Variants in LAMA3 observed in about 807,000 individuals in gnomAD.
The protein encoded by LAMA3 is laminin subunit alpha-3.
In LAMA3, 281 loss-of-function variants were observed where a neutral mutation model predicts 402.0. The ratio of observed to expected loss-of-function variants is 0.70; its 90% CI spans 0.63 to 0.77. LAMA3 has a LOEUF of 0.77. Among genes scored for constraint, LAMA3 ranks in the 30% least tolerant of loss-of-function variants. The pLI is 0.00. For missense variants in LAMA3, 3,840 were observed against 4,215.5 expected, an observed-to-expected ratio of 0.91 and a Z score of 2.47; for synonymous variants, 1,431 against 1,558.4, an observed-to-expected ratio of 0.92 and a Z score of 1.93.
chr18:23,865,515 C>A (rs1184053362), intron 36 of LAMA3, among the ~76,000 whole-genome samples: 1 of 152,260 alleles, frequency 6.6e-6, no homozygotes, highest in African/African-American at 2.4e-5. Context: ...GGGGCAAGAT[C>A]ATATTGTTGG....
intron 2 of LAMA3, among the ~76,000 whole-genome samples, chr18:23,717,542 C>CTTT (rs138974380): frequency 1.5e-4 from 10 of 64,910 alleles, no homozygotes; most frequent in Non-Finnish European, 2.3e-4. Context: ...TGGACTTGAT[C>CTTT]TTTTTTTTTT....
chr18:23,837,813 C>T (rs1236424081), intron 25 of LAMA3, among the ~76,000 whole-genome samples: 1 of 151,920 alleles, frequency 6.6e-6, no homozygotes, highest in African/African-American at 2.4e-5. Flanking sequence ...ATGCATCACA[C>T]CCTGGGAAAT....
intron 34 of LAMA3, among the ~76,000 whole-genome samples, chr18:23,859,057 G>C (rs568543590): frequency 6.6e-6 from 1 of 152,030 alleles, no homozygotes; most frequent in Non-Finnish European, 1.5e-5. Flanking sequence ...TTCCCCATAG[G>C]AGTCATCACT....
Position 23,866,282 on chromosome 18 carries a change from CTGGTTTAT to C in LAMA3, c.4683+1403_4683+1410del, listed in dbSNP as rs569445358. Among the ~76,000 whole-genome samples, 217 of 152,256 alleles carry C rather than the reference CTGGTTTAT, an allele frequency of 1.4e-3. 2 individuals are homozygous for C. In the South Asian group the frequency reaches 0.018, roughly 12 times the overall value. Reference sequence around the variant, plus strand: ...CCACTGCCTGAAGTCGGCTCTATTTCTGGTTTATTGGGTGTGATTAATGCGATGTAATG... The same window carrying C: ...CCACTGCCTGAAGTCGGCTCTATTTCTGGGTGTGATTAATGCGATGTAATG... On this transcript the variant is annotated intron_variant, in intron 36 of 74. Coordinates refer to ENST00000313654, the MANE Select transcript of LAMA3 (RefSeq NM_198129.4).
rs764530111 is a variant in LAMA3 at position 23,914,448 on chromosome 18, C to A, written c.7368C>A (p.Gly2456=). 2 of 1,614,098 alleles carry A rather than the reference C, an allele frequency of 1.2e-6. No individual in the cohort carries two copies. Among genetic ancestry groups the A allele is most frequent in the South Asian group, 2.2e-5 (2 of 91,068 alleles). Reference sequence around the variant, plus strand: ...ACATCGGCATGGCAGTTGTGGATGGCCAGCTCACCTGTGTCTACAACCTGG... The same window carrying A: ...ACATCGGCATGGCAGTTGTGGATGGACAGCTCACCTGTGTCTACAACCTGG... ...RDYIGMAVVD[G]QLTCVYNLGD... is the part of the protein sequence containing the mutation. Residue 2456 remains glycine (G), a synonymous_variant, in exon 57 of 75, where the codon GGC becomes GGA. Coordinates refer to ENST00000313654, the MANE Select transcript of LAMA3 (RefSeq NM_198129.4).
At chr18:23,949,043 A>G (rs56268003) in intron 70 of LAMA3, among the ~76,000 whole-genome samples, 12,677 of 152,218 alleles carry the variant, frequency 0.083, 966 homozygotes, top group Admixed American at 0.18. Flanking sequence ...GCACACGCAG[A>G]ACACACCTGG....
rs201023601 is a variant in LAMA3 at position 23,904,054 on chromosome 18, G to A, written c.6440G>A (p.Arg2147Gln). The change falls in exon 50 of 75, where the codon CGG (arginine) becomes CAG (glutamine). Residue 2147 changes from arginine to glutamine, a missense_variant. Around this residue, in one of 3 missense-constraint regions of LAMA3, gnomAD observed 891 missense variants for 857.5 expected, o/e 1.04. Transcript: ENST00000313654. ...SLVEEAEKHA[R>Q]SLQELAKQLE... is the part of the protein sequence containing the mutation. Reference sequence around the variant, plus strand: ...GTGGAGGAGGCAGAAAAGCACGCGCGGTCCTTACAAGAGCTGGCAAAGCAG... The same window carrying A: ...GTGGAGGAGGCAGAAAAGCACGCGCAGTCCTTACAAGAGCTGGCAAAGCAG... 66 of 1,613,958 alleles carry A rather than the reference G, an allele frequency of 4.1e-5. No homozygotes were observed. The South Asian group carries it at 5.6e-4, about 14-fold the overall frequency.
chr18:23,775,677 G>A, intron 9 of LAMA3, 115 bp from the exon 10 acceptor site: 1 of 1,215,362 alleles, frequency 8.2e-7, no homozygotes, highest in South Asian at 1.3e-5. Flanking sequence ...GCCCTTTCAA[G>A]AATACCTATA....
rs1053145530 is a variant in LAMA3, at chr18:23,876,236, T to C, written c.4999-58T>C. Reference sequence around the variant, plus strand: ...CTTCACAGTGAGAGGTGTCACATGCTTTGGATAGTAATTGTTTTCTTTCTT... The same window carrying C: ...CTTCACAGTGAGAGGTGTCACATGCCTTGGATAGTAATTGTTTTCTTTCTT... On this transcript the variant is annotated intron_variant, in intron 38 of 74. Transcript: ENST00000313654. 1.6e-5 allele frequency: 18 copies of C among 1,146,224 alleles called. No individual in the cohort carries two copies. In the African/African-American group the frequency reaches 2.7e-4, roughly 17 times the overall value. The allele number at this position is 1,146,224 out of a possible 1,614,324, so 71.0% of individuals were successfully genotyped here.
chr18:23,780,215 C>T (rs2062407698), intron 11 of LAMA3, among the ~76,000 whole-genome samples: 1 of 152,156 alleles, frequency 6.6e-6, no homozygotes, highest in South Asian at 2.1e-4. Flanking sequence ...ATACATGGTT[C>T]CTCCTGCCTG....
At chr18:23,730,800 A>G (rs1598666485) in intron 2 of LAMA3, among the ~76,000 whole-genome samples, 1 of 152,106 alleles carries the variant, frequency 6.6e-6, no homozygotes, top group South Asian at 2.1e-4. Flanking sequence ...GTCCGGGCAT[A>G]TTTTACCTTT....
At position 23,845,025 on chromosome 18, in the gene LAMA3, T is replaced by G; in HGVS notation, c.3620T>G (p.Val1207Gly). The G allele has an allele frequency of 6.3e-7, 1 of 1,599,622 alleles. No homozygotes were observed. ...TTCTTTCAGGTCCGTGTTCTAGTGG[T>G]GCCTGCAGAAAACTATGACTACCAA... ...KSLVLVRVLV[V>G]PAENYDYQIL... Residue 1207 changes from valine (V) to glycine (G), a missense_variant, in exon 30 of 75, where the codon GTG becomes GGG. Coordinates refer to ENST00000313654, the MANE Select transcript of LAMA3 (RefSeq NM_198129.4).
chr18:23,946,637 A>C (rs2082724021), intron 70 of LAMA3: 1 of 224,596 alleles, frequency 4.5e-6, no homozygotes, highest in African/African-American at 2.3e-5. Context: ...AAATTACAGT[A>C]ATTTGTGCCA....
In LAMA3 at chr18:23,903,965, A is replaced by G; in HGVS notation, c.6351A>G (p.Glu2117=). Residue 2117 remains glutamate (E), a synonymous_variant, in exon 50 of 75, where the codon GAA becomes GAG. Coordinates refer to ENST00000313654, the MANE Select transcript of LAMA3 (RefSeq NM_198129.4). ...AAAAATTAGCTGCCAGTTTAAATGA[A>G]GCAAGACAAGAACTAAGTGACAAAG... is the stretch of plus-strand genomic sequence containing the variant. ...EYEKLAASLN[E]ARQELSDKVR... 6.2e-7 allele frequency: 1 copy of G among 1,613,730 alleles called. No homozygotes were observed. The highest frequency in any genetic ancestry group is 8.5e-7 in the Non-Finnish European group (1 of 1,179,712).
At chr18:23,858,105 A>G in intron 33 of LAMA3, 117 bp downstream of exon 33, 3 of 1,178,018 alleles carry the variant, frequency 2.5e-6, no homozygotes, top group South Asian at 1.3e-5. Context: ...AGATGTTGAT[A>G]GTGTATGTAG....
At chr18:23,900,995 C>G in intron 47 of LAMA3, 132 bp from the exon 48 acceptor site, 2 of 804,004 alleles carry the variant, frequency 2.5e-6, no homozygotes, top group East Asian at 5.3e-5. Context: ...TGTGAGTTTC[C>G]TTTCCCATCC....
intron 59 of LAMA3, 51 bp downstream of exon 59, chr18:23,915,473 TGC>T: frequency 1.3e-6 from 2 of 1,555,216 alleles, no homozygotes; most frequent in Non-Finnish European, 1.8e-6. Context: ...TTTGGTAACT[TGC>T]AGTACTTTTA....
At chr18:23,899,639 G>A (rs1028221566) in intron 47 of LAMA3, 184 bp downstream of exon 47, 12 of 623,840 alleles carry the variant, frequency 1.9e-5, no homozygotes, top group African/African-American at 1.3e-4. Flanking sequence ...CCAACGGGCT[G>A]TAGAATATAA....
chr18:23,923,238 GAAAGGCCATGACCA>G (rs2081901078), intron 62 of LAMA3, among the ~76,000 whole-genome samples: 1 of 152,212 alleles, frequency 6.6e-6, no homozygotes, highest in Non-Finnish European at 1.5e-5. Flanking sequence ...CTTCAGCAGA[GAAAGGCCATGACCA>G]AATTTGGGTT....
Sources: allele counts gnomAD v4.1 joint callset (sites outside exome capture counted in the v4.1 genomes callset), GRCh38; gene constraint gnomAD v4.1.1; regional missense constraint gnomAD v4.1.1; transcripts MANE v1.5; gene names NCBI Gene and HGNC (gene_info 2026-07-23, HGNC 2026-07-21).